The following TRMT2B variants were observed in gnomAD, a reference collection of about 807,000 sequenced individuals.
TRMT2B encodes the protein tRNA (uracil-5-)-methyltransferase homolog B.
A neutral mutation model predicts 39.7 loss-of-function variants in TRMT2B; 34 were observed. That is an observed-to-expected ratio of 0.86 (90% CI 0.65 to 1.14). The LOEUF is 1.14. Among genes scored for constraint, TRMT2B ranks in the 50% most tolerant of loss-of-function variants. TRMT2B has a pLI of 0.00. For synonymous variants in TRMT2B, 132 were observed against 137.3 expected (o/e 0.96, Z 0.27); for missense variants, 318 against 377.2 (o/e 0.84, Z 1.30).
At chrX:101,035,236 G>GTAC (rs1182316781) in intron 7 of TRMT2B, among the ~76,000 whole-genome samples, 1 of 111,284 alleles carries the variant, frequency 9.0e-6, no homozygotes, top group Non-Finnish European at 1.9e-5. Context: ...AGCTCATGAT[G>GTAC]TACTATCTTA....
At chrX:100,996,525 A>T in the TRMT2B span, among the ~76,000 whole-genome samples, 1 of 111,804 alleles carries the variant, frequency 8.9e-6, no homozygotes, top group African/African-American at 3.3e-5. Flanking sequence ...ACATGAAAAA[A>T]TATGTGCAAC....
At chrX:101,021,038 C>T (rs936646358) in intron 10 of TRMT2B, 63 bp downstream of exon 10, 9 of 1,083,718 alleles carry the variant, frequency 8.3e-6, no homozygotes, top group South Asian at 5.6e-5. Context: ...CGACCACCTC[C>T]GCAAGCTACA....
Position 101,042,130 on chromosome X carries a change from G to A in TRMT2B, c.160C>T (p.Arg54Cys), listed in dbSNP as rs139202750. The A allele has an allele frequency of 1.7e-5, 20 of 1,210,475 alleles. 1 individual carries two copies. Among genetic ancestry groups the A allele is most frequent in the South Asian group, 8.8e-5 (5 of 56,866 alleles). The change falls in exon 3 of 14, where the codon CGT (arginine) becomes TGT (cysteine). Residue 54 changes from arginine (R) to cysteine (C), a missense_variant. Coordinates refer to ENST00000372936, the MANE Select transcript of TRMT2B (RefSeq NM_024917.6). ...TTCTGACATTTCGTGGCTATCACAC[G>A]GGTGAAATCTCCCTTACATACTGTG... ...LGTVCKGDFT[R>C]VIATKCQKGQ...
At chrX:100,982,666 G>C in the TRMT2B span, among the ~76,000 whole-genome samples, 9 of 37,720 alleles carry the variant, frequency 2.4e-4, no homozygotes, top group South Asian at 0.01. Context: ...TTTTTTTTTT[G>C]AGACAGAGTC....
intron 13 of TRMT2B, among the ~76,000 whole-genome samples, chrX:101,014,374 A>G (rs2086414410): frequency 9.1e-6 from 1 of 110,351 alleles, no homozygotes; most frequent in African/African-American, 3.3e-5. Flanking sequence ...GTCTTACTCT[A>G]TCACTAAGGC....
Position 101,036,973 on chromosome X carries a change from C to T in TRMT2B, c.538+1G>A, listed in dbSNP as rs2087880279. 8.3e-7 allele frequency: 1 copy of T among 1,201,530 alleles called. No homozygotes were observed. The highest frequency in any genetic ancestry group is 1.1e-6 in the Non-Finnish European group (1 of 886,144). ...TTTGGTTTATACAACCTTCAACTGACCTCTCCAAGTTCCCAGGTAGAACCC... is the reference window on the plus strand; with the variant it reads ...TTTGGTTTATACAACCTTCAACTGATCTCTCCAAGTTCCCAGGTAGAACCC... On this transcript the variant is annotated splice_donor_variant, in intron 6 of 13. Coordinates refer to ENST00000372936, the MANE Select transcript of TRMT2B (RefSeq NM_024917.6). LOFTEE classifies it high-confidence loss of function.
At chrX:101,048,113 TACAC>T (rs56212711) in intron 2 of TRMT2B, among the ~76,000 whole-genome samples, 2,497 of 90,332 alleles carry the variant, frequency 0.028, 96 homozygotes, top group African/African-American at 0.088. Context: ...TTTATACACA[TACAC>T]ACACACACAC....
At chrX:101,038,711 C>T (rs1326166583) in intron 4 of TRMT2B, among the ~76,000 whole-genome samples, 1 of 112,017 alleles carries the variant, frequency 8.9e-6, no homozygotes, top group Non-Finnish European at 1.9e-5. Flanking sequence ...GGTTACTGAG[C>T]ACTTGAAATG....
chrX:101,046,178 T>A (rs1422182422), intron 2 of TRMT2B, among the ~76,000 whole-genome samples: 2 of 102,104 alleles, frequency 2.0e-5, no homozygotes, highest in African/African-American at 7.2e-5. Context: ...AATCAATCAA[T>A]CAAAACAAAA....
chrX:101,051,638 C>G lies in TRMT2B; in HGVS notation c.-411G>C, dbSNP rs752735353. 469 of 753,723 alleles carry G rather than the reference C, an allele frequency of 6.2e-4. 2 individuals carry two copies. In the South Asian group the frequency reaches 6.8e-3, roughly 11 times the overall value. 62.1% of individuals were successfully genotyped at this position (753,723 alleles called of 1,213,427 possible). ...GGGCACAGGCCCACGCTGGGCCGTA[C>G]ACGACCTTGCGCAGTCACCGTCGGG... On this transcript the variant is annotated 5_prime_UTR_variant, in exon 2 of 14. Coordinates refer to ENST00000372936, the MANE Select transcript of TRMT2B (RefSeq NM_024917.6).
intron 13 of TRMT2B, chrX:101,015,774 A>G (rs1284153746): frequency 2.7e-5 from 5 of 186,501 alleles, no homozygotes; most frequent in Non-Finnish European, 3.9e-5. Context: ...TCTTATTGAG[A>G]TAATTTGCAT....
intron 7 of TRMT2B, among the ~76,000 whole-genome samples, chrX:101,032,370 G>A (rs1354020101): frequency 9.3e-6 from 1 of 107,868 alleles, no homozygotes; most frequent in Non-Finnish European, 1.9e-5. Flanking sequence ...GGCGAATCAC[G>A]AGGTCAGGAG....
chrX:101,016,342 T>C (rs889891211), intron 13 of TRMT2B, among the ~76,000 whole-genome samples: 21 of 112,041 alleles, frequency 1.9e-4, no homozygotes, highest in African/African-American at 6.8e-4. Flanking sequence ...AATGGAATGA[T>C]ATAATATGTG....
At chrX:101,037,665 GA>G (rs1206204467) in intron 5 of TRMT2B, 9 of 290,571 alleles carry the variant, frequency 3.1e-5, no homozygotes, top group African/African-American at 2.5e-4. Context: ...ACCTGAGCGT[GA>G]ATCTCAGCTC....
chrX:100,979,578 A>G, the TRMT2B span, among the ~76,000 whole-genome samples: 1 of 111,837 alleles, frequency 8.9e-6, no homozygotes, highest in African/African-American at 3.3e-5. Context: ...AAGGTCACTT[A>G]TCTCTGTCAC....
the TRMT2B span, among the ~76,000 whole-genome samples, chrX:100,994,659 T>TA: frequency 2.7e-5 from 3 of 111,735 alleles, no homozygotes; most frequent in Non-Finnish European, 5.6e-5. Context: ...GCAGCAAAGG[T>TA]TAAGAAAGAA....
chrX:101,038,178 A>G (rs1194616175), intron 4 of TRMT2B, 127 bp from the exon 5 acceptor site: 3 of 522,775 alleles, frequency 5.7e-6, no homozygotes, highest in Non-Finnish European at 9.4e-6. Flanking sequence ...GACCAGCCTG[A>G]CCAACATGAA....
At chrX:101,044,220 T>A (rs1378074937) in intron 2 of TRMT2B, among the ~76,000 whole-genome samples, 1 of 91,761 alleles carries the variant, frequency 1.1e-5, no homozygotes, top group Non-Finnish European at 2.1e-5. Flanking sequence ...CCAGACTGAG[T>A]GACAGAGCGA....
the TRMT2B span, among the ~76,000 whole-genome samples, chrX:101,002,684 CAGG>C: frequency 3.7e-5 from 4 of 108,354 alleles, no homozygotes; most frequent in Non-Finnish European, 7.6e-5. Context: ...GAGGCTGAGG[CAGG>C]AGAACTGCTT....
Sources: gnomAD v4.1 joint callset for allele counts (sites outside exome capture counted in the v4.1 genomes callset) on GRCh38, gnomAD v4.1.1 for gene constraint, MANE v1.5 for transcripts, NCBI Gene and HGNC (gene_info 2026-07-23, HGNC 2026-07-21) for gene names.